PRPH2: variants seen among roughly 807,000 people sequenced by gnomAD.
The protein encoded by PRPH2 is peripherin-2.
In PRPH2, 17 loss-of-function variants were observed where a neutral mutation model predicts 31.3. The observed-to-expected ratio is 0.54, with a 90% CI of 0.37 to 0.81. PRPH2 has a LOEUF of 0.81. PRPH2 is among the 40% of genes least tolerant of loss of function. The pLI is 0.00. For missense variants in PRPH2, 430 were observed against 439.7 expected (o/e 0.98, Z 0.20); for synonymous variants, 165 against 184.4 (o/e 0.89, Z 0.85).
At chr6:42,700,064 G>T (rs377118) in intron 2 of PRPH2, among the ~76,000 whole-genome samples, 140,570 of 151,796 alleles carry the variant, frequency 0.93, 65,219 homozygotes, top group East Asian at 1. Flanking sequence ...GTTCAAGCAA[G>T]TCTCCTACCT....
intron 1 of PRPH2, among the ~76,000 whole-genome samples, chr6:42,708,291 A>G (rs902257656): frequency 1.2e-4 from 18 of 152,202 alleles, no homozygotes; most frequent in Non-Finnish European, 2.2e-4. Context: ...TGGGCCTGAC[A>G]CGGAGCACCT....
Position 42,698,423 on chromosome 6 carries a change from C to T in PRPH2, c.913G>A (p.Gly305Ser). 6.2e-7 allele frequency: 1 copy of T among 1,613,874 alleles called. No homozygotes were observed. Among genetic ancestry groups the T allele is most frequent in the Non-Finnish European group, 8.5e-7 (1 of 1,179,766 alleles). Reference protein sequence around the residue: ...NPEESESESQGWLLERSVPET... With the variant: ...NPEESESESQSWLLERSVPET... ...GGCACGCTCCTCTCCAGCAGCCAGC[C>T]CTGGCTCTCGCTCTCAGATTCCTCG... is the stretch of plus-strand genomic sequence containing the variant. Residue 305 changes from glycine to serine, a missense_variant, in exon 3 of 3, where the codon GGC becomes AGC. Coordinates refer to ENST00000230381, the MANE Select transcript of PRPH2 (RefSeq NM_000322.5).
At chr6:42,698,663 T>G (rs905335286) in intron 2 of PRPH2, among the ~76,000 whole-genome samples, 156 bp from the exon 3 acceptor site, 1 of 152,120 alleles carries the variant, frequency 6.6e-6, no homozygotes, top group African/African-American at 2.4e-5. Flanking sequence ...CACGCTGCCC[T>G]GTCCTCAGTG....
chr6:42,704,248 C>A, intron 2 of PRPH2, 117 bp downstream of exon 2: 1 of 1,397,350 alleles, frequency 7.2e-7, no homozygotes. Flanking sequence ...CACAGCTCCA[C>A]TGAAGGCTGT....
Position 42,696,980 on chromosome 6 carries a change from A to G in PRPH2, c.*1315T>C, listed in dbSNP as rs973199943. ...CCAAAGTAACCTATTCCCAAACACC[A>G]TCGGTCAGAAGCAGAGGTAAGTTAT... On this transcript the variant is annotated 3_prime_UTR_variant, in exon 3 of 3. Coordinates refer to ENST00000230381, the MANE Select transcript of PRPH2 (RefSeq NM_000322.5). 1 of 152,004 alleles carries G rather than the reference A, an allele frequency of 6.6e-6. No individual in the cohort carries two copies. Among genetic ancestry groups the G allele is most frequent in the Non-Finnish European group, 1.5e-5 (1 of 68,008 alleles). The allele number at this position is 152,004 out of a possible 1,614,324, so 9.4% of individuals were successfully genotyped here. A position where few individuals can be genotyped will look rare whatever the true frequency, so the allele number is the denominator to read the frequency against.
chr6:42,708,900 A>G (rs1378761076), intron 1 of PRPH2, among the ~76,000 whole-genome samples: 3 of 152,200 alleles, frequency 2.0e-5, no homozygotes, highest in Non-Finnish European at 4.4e-5. Context: ...CAGGCTGGAC[A>G]TGCTGGAGGC....
chr6:42,719,317 C>CTCCCG (rs1761852627), intron 1 of PRPH2, among the ~76,000 whole-genome samples: 1 of 151,952 alleles, frequency 6.6e-6, no homozygotes, highest in Admixed American at 6.6e-5. Context: ...GCTGAGATTA[C>CTCCCG]AGGCATGCCA....
At chr6:42,703,834 T>C (rs929998210) in intron 2 of PRPH2, among the ~76,000 whole-genome samples, 29 of 152,040 alleles carry the variant, frequency 1.9e-4, no homozygotes, top group African/African-American at 7.0e-4. Context: ...TCGGGTGCAG[T>C]GCTCACACCT....
At position 42,717,229 on chromosome 6, in the gene PRPH2, A is replaced by T. The variant is rs1291878395; in HGVS notation, c.581+4525T>A. ...GGAGTTCAAGACCAGCCTGGCCAACATGGTGAAACTCAGTCTCTACTAAAA... is the reference window on the plus strand; with the variant it reads ...GGAGTTCAAGACCAGCCTGGCCAACTTGGTGAAACTCAGTCTCTACTAAAA... On this transcript the variant is annotated intron_variant, in intron 1 of 2. Transcript: ENST00000230381. Among the ~76,000 whole-genome samples, 10 of 151,524 alleles carry T rather than the reference A, an allele frequency of 6.6e-5. No individual in the cohort carries two copies. The South Asian group carries it at 2.1e-3, about 32-fold the overall frequency.
At position 42,711,176 on chromosome 6, in the gene PRPH2, G is replaced by A. The variant is rs76194394; in HGVS notation, c.582-6565C>T. 2.6e-5 allele frequency among the ~76,000 whole-genome samples: 4 copies of A among 152,300 alleles called. No homozygotes were observed. In the East Asian group the frequency reaches 7.7e-4, roughly 29 times the overall value. The stretch of plus-strand genomic sequence containing the variant: ...TACAAGCGCTCTGCCCTCATGAGTA[G>A]ATTAATGCCATTATCATGGGAGTGG... On this transcript the variant is annotated intron_variant, in intron 1 of 2. Coordinates refer to ENST00000230381, the MANE Select transcript of PRPH2 (RefSeq NM_000322.5).
chr6:42,698,451 G>A lies in PRPH2; in HGVS notation c.885C>T (p.Asn295=), dbSNP rs1192011597. 1 of 1,614,064 alleles carries A rather than the reference G, an allele frequency of 6.2e-7. No homozygotes were observed. Among genetic ancestry groups the A allele is most frequent in the East Asian group, 2.2e-5 (1 of 44,886 alleles). The part of the protein sequence containing the change: ...YLQTSLDGVS[N]PEESESESQG... Reference sequence around the variant, plus strand: ...GGCTCTCGCTCTCAGATTCCTCGGGGTTGGACACACCATCCAGCGACGTCT... The same window carrying A: ...GGCTCTCGCTCTCAGATTCCTCGGGATTGGACACACCATCCAGCGACGTCT... Residue 295 remains asparagine (N), a synonymous_variant, in exon 3 of 3, where the codon AAC becomes AAT. Transcript: ENST00000230381.
chr6:42,713,342 T>C (rs115248675), intron 1 of PRPH2, among the ~76,000 whole-genome samples: 1,742 of 152,212 alleles, frequency 0.011, 38 homozygotes, highest in African/African-American at 0.04. Context: ...GAGAGCCTCC[T>C]CCAAGTGTAG....
rs55851577 is a variant in PRPH2, at chr6:42,697,810, TAAA to T, written c.*482_*484del. 80 of 143,656 alleles carry T rather than the reference TAAA, an allele frequency of 5.6e-4. No individual in the cohort carries two copies. The highest frequency in any genetic ancestry group is 1.2e-3 in the Admixed American group (18 of 14,576). The allele number at this position is 143,656 out of a possible 1,614,324, so 8.9% of individuals were successfully genotyped here. The stretch of plus-strand genomic sequence containing the variant: ...ACGGCCAACCTGTCAATCTTGGCAT[TAAA>T]AAAAAAAAAAAAAGACAACATGGCC... On this transcript the variant is annotated 3_prime_UTR_variant, in exon 3 of 3. Coordinates refer to ENST00000230381, the MANE Select transcript of PRPH2 (RefSeq NM_000322.5).
At position 42,712,007 on chromosome 6, in the gene PRPH2, A is replaced by G. The variant is rs565847740; in HGVS notation, c.582-7396T>C. 8.3e-5 allele frequency: 81 copies of G among 976,158 alleles called. No individual in the cohort carries two copies. In the African/African-American group the frequency reaches 1.3e-3, roughly 16 times the overall value. The allele number at this position is 976,158 out of a possible 1,614,324, so 60.5% of individuals were successfully genotyped here. ...TTCCTCATGTGCTACGGTAAGATAC[A>G]CAGAGCGGCACTGTAGGAAATGTTC... is the stretch of plus-strand genomic sequence containing the variant. On this transcript the variant is annotated intron_variant, in intron 1 of 2. Transcript: ENST00000230381.
intron 1 of PRPH2, among the ~76,000 whole-genome samples, chr6:42,715,163 C>T (rs1413620407): frequency 6.6e-6 from 1 of 151,992 alleles, no homozygotes; most frequent in Non-Finnish European, 1.5e-5. Context: ...GAGTCGAGAT[C>T]GTGCCACTGC....
chr6:42,698,259 T>C lies in PRPH2; in HGVS notation c.*36A>G, dbSNP rs1197400148. 1 of 1,611,948 alleles carries C rather than the reference T, an allele frequency of 6.2e-7. No individual in the cohort carries two copies. The highest frequency in any genetic ancestry group is 2.2e-5 in the East Asian group (1 of 44,866). ...ATCCACGTTTCTTGGAGTGCACTATTTCTCAGTGTTCGGGAGGGGAGGGGC... is the reference window on the plus strand; with the variant it reads ...ATCCACGTTTCTTGGAGTGCACTATCTCTCAGTGTTCGGGAGGGGAGGGGC... On this transcript the variant is annotated 3_prime_UTR_variant, in exon 3 of 3. Transcript: ENST00000230381.
intron 1 of PRPH2, among the ~76,000 whole-genome samples, chr6:42,708,469 AG>A (rs1800213581): frequency 1.3e-5 from 2 of 152,126 alleles, no homozygotes; most frequent in Non-Finnish European, 2.9e-5. Flanking sequence ...GAGCAGTGTG[AG>A]GGGGGCCTTC....
rs1197326597 is a variant in PRPH2 at position 42,704,577 on chromosome 6, C to A, written c.616G>T (p.Val206Leu). The A allele has an allele frequency of 6.2e-7, 1 of 1,614,162 alleles. No individual in the cohort carries two copies. The highest frequency in any genetic ancestry group is 1.1e-5 in the South Asian group (1 of 91,076). Reference protein sequence around the residue: ...IKSNVDGRYLVDGVPFSCCNP... With the variant: ...IKSNVDGRYLLDGVPFSCCNP... ...CAGCAGCTGAAAGGGACGCCGTCCA[C>A]CAGGTACCGCCCATCCACGTTGCTC... The change falls in exon 2 of 3, where the codon GTG becomes TTG. Residue 206 changes from valine (V) to leucine (L), a missense_variant. Coordinates refer to ENST00000230381, the MANE Select transcript of PRPH2 (RefSeq NM_000322.5).
intron 1 of PRPH2, among the ~76,000 whole-genome samples, chr6:42,712,833 G>A (rs1357235505): frequency 6.6e-6 from 1 of 152,126 alleles, no homozygotes; most frequent in East Asian, 1.9e-4. Context: ...ATGGCTACAT[G>A]AGAATTAATT....
Sources: gnomAD v4.1 joint callset for allele counts (sites outside exome capture counted in the v4.1 genomes callset) on GRCh38, gnomAD v4.1.1 for gene constraint, MANE v1.5 for transcripts, NCBI Gene and HGNC (gene_info 2026-07-23, HGNC 2026-07-21) for gene names.